Variants in JMJD1C observed in about 807,000 individuals in gnomAD.
JMJD1C encodes jumonji domain containing 1C, also known as jumonji domain-containing protein 1C.
Under a neutral mutation model 245.3 loss-of-function variants are expected in JMJD1C, and 31 were observed. That is an observed-to-expected ratio of 0.13 (90% CI 0.09 to 0.17). The LOEUF is 0.17. JMJD1C is among the 10% of genes least tolerant of loss of function. The pLI is 1.00. For synonymous variants in JMJD1C, 1,057 were observed against 1,017.4 expected, an observed-to-expected ratio of 1.04 and a Z score of -0.74; for missense variants, 2,691 against 3,000.2, an observed-to-expected ratio of 0.90 and a Z score of 2.41.
intron 1 of JMJD1C, among the ~76,000 whole-genome samples, chr10:63,499,931 C>T (rs572427089): frequency 5.3e-5 from 8 of 152,234 alleles, no homozygotes; most frequent in Non-Finnish European, 8.8e-5. Context: ...ATCATTTTTA[C>T]CTATTATAAT....
chr10:63,467,942 T>C (rs947699964), upstream of JMJD1C, among the ~76,000 whole-genome samples: 1 of 152,210 alleles, frequency 6.6e-6, no homozygotes, highest in Non-Finnish European at 1.5e-5. Flanking sequence ...CATCAGTTAT[T>C]ACATAAATCC....
chr10:63,476,226 T>C (rs972761527), intron 1 of JMJD1C, among the ~76,000 whole-genome samples: 2 of 147,662 alleles, frequency 1.4e-5, no homozygotes, highest in African/African-American at 2.5e-5. Context: ...AACAAATATA[T>C]ACATATATTT....
At chr10:63,519,756 T>C (rs1295120620) in intron 1 of JMJD1C, among the ~76,000 whole-genome samples, 2 of 152,198 alleles carry the variant, frequency 1.3e-5, no homozygotes, top group Non-Finnish European at 2.9e-5. Flanking sequence ...GCAAAAGCAC[T>C]GAGCATGAAA....
At chr10:63,517,405 A>T (rs1484878167) in intron 1 of JMJD1C, among the ~76,000 whole-genome samples, 4 of 152,180 alleles carry the variant, frequency 2.6e-5, no homozygotes, top group Non-Finnish European at 5.9e-5. Flanking sequence ...TTTGATCTTC[A>T]TAACAGTATC....
At chr10:63,215,203 T>C in intron 7 of JMJD1C, 52 bp from the exon 8 acceptor site, 6 of 1,531,762 alleles carry the variant, frequency 3.9e-6, no homozygotes, top group Non-Finnish European at 5.3e-6. Flanking sequence ...ATAAGCATAT[T>C]TTAAAATGTA....
Position 63,222,543 on chromosome 10 carries a change from A to C in JMJD1C, c.448-2560T>G, listed in dbSNP as rs1389231349. On this transcript the variant is annotated intron_variant, in intron 3 of 25. Transcript: ENST00000399262. The stretch of plus-strand genomic sequence containing the variant: ...TTTTGTCCCAAAGATACTCAACTCA[A>C]ATACTGTGAAAAACAGTTTGAACTG... The C allele has an allele frequency of 1.1e-5, 17 of 1,524,664 alleles. No homozygotes were observed. The Admixed American group carries it at 1.2e-4, about 11-fold the overall frequency. 94.4% of individuals were successfully genotyped at this position (1,524,664 alleles called of 1,614,324 possible). A position where few individuals can be genotyped will look rare whatever the true frequency, so the allele number is the denominator to read the frequency against.
intron 3 of JMJD1C, among the ~76,000 whole-genome samples, chr10:63,239,572 G>A (rs533544782): frequency 5.1e-4 from 77 of 152,116 alleles, no homozygotes; most frequent in Non-Finnish European, 9.7e-4. Flanking sequence ...AGCCTCCTGA[G>A]TAGCTGGGAC....
In JMJD1C at chr10:63,215,806, T is replaced by C. The variant is rs986285045; in HGVS notation, c.679-110A>G. ...TGTTTAGAAATCAGCTTGGGATCCC[T>C]AATTTATAAGATGCTGTTATAATAA... On this transcript the variant is annotated intron_variant, in intron 5 of 25. Transcript: ENST00000399262. 6.3e-5 allele frequency: 41 copies of C among 652,812 alleles called. No individual in the cohort carries two copies. The Admixed American group carries it at 1.3e-3, about 20-fold the overall frequency. The allele number at this position is 652,812 out of a possible 1,614,324, so 40.4% of individuals were successfully genotyped here.
chr10:63,306,655 A>G (rs185005329), intron 2 of JMJD1C, among the ~76,000 whole-genome samples: 49 of 151,746 alleles, frequency 3.2e-4, no homozygotes, highest in Non-Finnish European at 6.2e-4. Flanking sequence ...CTAAAAATAT[A>G]TAAGTACAAT....
intron 1 of JMJD1C, among the ~76,000 whole-genome samples, chr10:63,453,963 TC>T (rs1952235929): frequency 1.3e-5 from 2 of 152,196 alleles, no homozygotes; most frequent in Non-Finnish European, 1.5e-5. Context: ...CCTCAGGTGA[TC>T]CGCTCGCCTC....
At chr10:63,302,801 GC>G (rs1212131071) in intron 2 of JMJD1C, among the ~76,000 whole-genome samples, 1 of 152,130 alleles carries the variant, frequency 6.6e-6, no homozygotes, top group Admixed American at 6.6e-5. Flanking sequence ...CAAAATTATG[GC>G]CTCTTAAAAA....
intron 2 of JMJD1C, among the ~76,000 whole-genome samples, chr10:63,329,519 C>T (rs9414797): frequency 0.014 from 2,048 of 145,176 alleles, 49 homozygotes; most frequent in African/African-American, 0.05. Flanking sequence ...AAGTCAACTG[C>T]GGGGCCAACA....
At chr10:63,237,123 C>A (rs182591543) in intron 3 of JMJD1C, among the ~76,000 whole-genome samples, 2 of 152,060 alleles carry the variant, frequency 1.3e-5, no homozygotes, top group African/African-American at 2.4e-5. Flanking sequence ...CTGCAACCTC[C>A]GCTTCCCAGG....
intron 2 of JMJD1C, among the ~76,000 whole-genome samples, chr10:63,346,884 C>T (rs1202439021): frequency 1.3e-5 from 2 of 152,054 alleles, no homozygotes; most frequent in Admixed American, 1.3e-4. Context: ...TTTTAAAGTT[C>T]ATCTGCTAAT....
intron 24 of JMJD1C, 82 bp from the exon 25 acceptor site, chr10:63,168,648 A>G: frequency 1.6e-6 from 2 of 1,242,286 alleles, no homozygotes; most frequent in Non-Finnish European, 2.1e-6. Flanking sequence ...ACCAATAAAC[A>G]CAAGAGACAA....
chr10:63,198,497 T>C lies in JMJD1C; in HGVS notation c.5491+16A>G. Reference sequence around the variant, plus strand: ...AATGAAATTTGTGCAGTTCATGTTATATTTAACTTCCTTACCATCCTTTTT... The same window carrying C: ...AATGAAATTTGTGCAGTTCATGTTACATTTAACTTCCTTACCATCCTTTTT... On this transcript the variant is annotated intron_variant, in intron 12 of 25. Transcript: ENST00000399262. 2.0e-6 allele frequency: 3 copies of C among 1,486,616 alleles called. No individual in the cohort carries two copies. Among genetic ancestry groups the C allele is most frequent in the Non-Finnish European group, 2.8e-6 (3 of 1,083,456 alleles). The allele number at this position is 1,486,616 out of a possible 1,614,324, so 92.1% of individuals were successfully genotyped here.
chr10:63,385,090 C>T (rs942325470), intron 1 of JMJD1C, among the ~76,000 whole-genome samples: 11 of 151,890 alleles, frequency 7.2e-5, no homozygotes, highest in Non-Finnish European at 1.2e-4. Context: ...TAGGGAGGTC[C>T]GGAGGTTCAA....
At chr10:63,471,047 C>T (rs1953477851) in intron 1 of JMJD1C, among the ~76,000 whole-genome samples, 1 of 152,182 alleles carries the variant, frequency 6.6e-6, no homozygotes, top group Non-Finnish European at 1.5e-5. Context: ...GCCAGCGTGT[C>T]CCACTGCACT....
chr10:63,507,172 C>T (rs1332910306), intron 1 of JMJD1C, among the ~76,000 whole-genome samples: 7 of 152,184 alleles, frequency 4.6e-5, no homozygotes, highest in Non-Finnish European at 8.8e-5. Context: ...TACTAAAAGG[C>T]ATCTTGGTTA....
Sources: gnomAD v4.1 joint callset for allele counts (sites outside exome capture counted in the v4.1 genomes callset) on GRCh38, gnomAD v4.1.1 for gene constraint, MANE v1.5 for transcripts, NCBI Gene and HGNC (gene_info 2026-07-23, HGNC 2026-07-21) for gene names.